The following PIGU variants were observed in gnomAD, a reference collection of about 807,000 sequenced individuals.
PIGU encodes the protein GPI-anchor transamidase component PIGU.
Under a neutral mutation model 49.9 loss-of-function variants are expected in PIGU, and 24 were observed. The ratio of observed to expected loss-of-function variants is 0.48; its 90% CI spans 0.35 to 0.68. PIGU has a LOEUF of 0.68. PIGU is among the 30% of genes least tolerant of loss of function. The pLI is 0.01. For missense variants in PIGU, 490 were observed against 532.6 expected (o/e 0.92, Z 0.79); for synonymous variants, 220 against 205.7 (o/e 1.07, Z -0.59).
chr20:34,583,347 C>G (rs1983563672), intron 9 of PIGU, among the ~76,000 whole-genome samples: 1 of 152,366 alleles, frequency 6.6e-6, no homozygotes, highest in East Asian at 1.9e-4. Context: ...AGACTACAGC[C>G]TCCTGCAGCA....
intron 7 of PIGU, among the ~76,000 whole-genome samples, chr20:34,612,613 CCTTTT>C (rs1314122873): frequency 5.7e-4 from 86 of 151,182 alleles, no homozygotes; most frequent in Admixed American, 3.4e-3. Flanking sequence ...CTTTTTCTTT[CCTTTT>C]CTTTTTTTTT....
intron 2 of PIGU, among the ~76,000 whole-genome samples, chr20:34,645,740 C>CA (rs1762396086): frequency 6.6e-6 from 1 of 151,734 alleles, no homozygotes. Flanking sequence ...ACTAAAAATA[C>CA]AAAAAAATTA....
At chr20:34,561,019 TC>T in intron 11 of PIGU, 40 bp from the exon 12 acceptor site, 1 of 1,403,406 alleles carries the variant, frequency 7.1e-7, no homozygotes, top group Non-Finnish European at 1.0e-6. Flanking sequence ...GCTGGGTACC[TC>T]CCCCTAAACC....
At chr20:34,673,402 C>T (rs1236150833) in intron 1 of PIGU, among the ~76,000 whole-genome samples, 2 of 152,020 alleles carry the variant, frequency 1.3e-5, no homozygotes, top group African/African-American at 4.8e-5. Flanking sequence ...AAAAGTAATG[C>T]TTACAGATGT....
At chr20:34,585,657 A>G in intron 8 of PIGU, 77 bp from the exon 9 acceptor site, 1 of 1,537,022 alleles carries the variant, frequency 6.5e-7, no homozygotes. Context: ...TTTCTCCTGA[A>G]GACTTTGGTC....
chr20:34,621,462 G>A (rs1985228248), intron 6 of PIGU, among the ~76,000 whole-genome samples: 1 of 152,168 alleles, frequency 6.6e-6, no homozygotes. Context: ...CATGGCTGAG[G>A]CCTGCAGTCT....
chr20:34,625,455 A>G (rs1385099343), intron 6 of PIGU, among the ~76,000 whole-genome samples: 1 of 151,906 alleles, frequency 6.6e-6, no homozygotes, highest in Non-Finnish European at 1.5e-5. Flanking sequence ...TACAGGAACA[A>G]GTATTATCCT....
chr20:34,636,637 A>G (rs1985973877), intron 5 of PIGU, among the ~76,000 whole-genome samples: 1 of 152,240 alleles, frequency 6.6e-6, no homozygotes, highest in South Asian at 2.1e-4. Flanking sequence ...ATTCTACAGC[A>G]CTATAGTAAT....
intron 7 of PIGU, among the ~76,000 whole-genome samples, chr20:34,613,836 T>A (rs747594832): frequency 6.6e-6 from 1 of 152,200 alleles, no homozygotes; most frequent in Non-Finnish European, 1.5e-5. Flanking sequence ...GAAAAGTCAG[T>A]GCTGGCAGAT....
intron 7 of PIGU, among the ~76,000 whole-genome samples, chr20:34,597,785 C>T (rs925197155): frequency 6.6e-5 from 10 of 152,002 alleles, no homozygotes; most frequent in Non-Finnish European, 1.3e-4. Flanking sequence ...TATGAGTGTT[C>T]GTATTTGTTT....
At chr20:34,607,367 G>A (rs937078146) in intron 7 of PIGU, among the ~76,000 whole-genome samples, 1 of 152,192 alleles carries the variant, frequency 6.6e-6, no homozygotes, top group African/African-American at 2.4e-5. Context: ...TCCACTGGCA[G>A]TGGAGTGGCA....
chr20:34,604,763 C>T (rs924933308), intron 7 of PIGU, among the ~76,000 whole-genome samples: 1 of 152,024 alleles, frequency 6.6e-6, no homozygotes, highest in Non-Finnish European at 1.5e-5. Context: ...ATAACCTGAC[C>T]CAAGCTCCAG....
At chr20:34,585,272 G>A (rs1983652387) in intron 9 of PIGU, among the ~76,000 whole-genome samples, 165 bp downstream of exon 9, 1 of 152,262 alleles carries the variant, frequency 6.6e-6, no homozygotes, top group African/African-American at 2.4e-5. Context: ...TCTATTGCCT[G>A]CTATGGCGCT....
intron 1 of PIGU, among the ~76,000 whole-genome samples, chr20:34,664,418 A>G (rs143802848): frequency 0.011 from 1,677 of 152,292 alleles, 40 homozygotes; most frequent in African/African-American, 0.039. Flanking sequence ...TAAACAGTTG[A>G]CCGGGCACAG....
intron 1 of PIGU, among the ~76,000 whole-genome samples, chr20:34,658,255 G>A (rs1349716476): frequency 6.6e-5 from 10 of 152,358 alleles, no homozygotes; most frequent in South Asian, 4.1e-4. Context: ...TCGGCCTCCC[G>A]AGGTGCCGGG....
rs1266380333 is a variant in PIGU, at chr20:34,588,448, C to T, written c.782+5G>A. On this transcript the variant is annotated splice_donor_5th_base_variant and intron_variant, in intron 8 of 11. Transcript: ENST00000217446. ...CTAGAATTTTCTAACGTGGTCATTA[C>T]TTACATAAAGCCATAGACTGCGGGG... 2 of 1,610,614 alleles carry T rather than the reference C, an allele frequency of 1.2e-6. No individual in the cohort carries two copies. Among genetic ancestry groups the T allele is most frequent in the African/African-American group, 1.3e-5 (1 of 74,692 alleles).
chr20:34,618,328 T>C (rs576220546), intron 6 of PIGU, among the ~76,000 whole-genome samples: 1 of 152,260 alleles, frequency 6.6e-6, no homozygotes, highest in African/African-American at 2.4e-5. Flanking sequence ...AAACTAAGGA[T>C]AGAGAGCCCT....
intron 6 of PIGU, among the ~76,000 whole-genome samples, chr20:34,623,146 T>G (rs1985311398): frequency 6.6e-6 from 1 of 151,900 alleles, no homozygotes; most frequent in Non-Finnish European, 1.5e-5. Context: ...AGAGATTGGG[T>G]CACAGGTGAT....
intron 7 of PIGU, 69 bp from the exon 8 acceptor site, chr20:34,588,676 T>C: frequency 6.9e-7 from 1 of 1,445,774 alleles, no homozygotes; most frequent in Non-Finnish European, 9.4e-7. Context: ...AGCTTACACT[T>C]AAAGATCCCT....
Sources: allele counts gnomAD v4.1 joint callset (sites outside exome capture counted in the v4.1 genomes callset), GRCh38; gene constraint gnomAD v4.1.1; transcripts MANE v1.5; gene names NCBI Gene and HGNC (gene_info 2026-07-23, HGNC 2026-07-21).